The following OFD1 variants were observed in gnomAD, a reference collection of about 807,000 sequenced individuals.
The protein encoded by OFD1 is centriole and centriolar satellite protein OFD1.
In OFD1, 12 loss-of-function variants were observed where a neutral mutation model predicts 81.4. The ratio of observed to expected loss-of-function variants is 0.15; its 90% confidence interval spans 0.09 to 0.24. The LOEUF (loss-of-function observed/expected upper bound fraction) is 0.24. Among genes scored for constraint, OFD1 ranks in the 10% least tolerant of loss-of-function variants. OFD1 has a pLI of 1.00. For missense variants in OFD1, 685 were observed against 733.9 expected (o/e 0.93, Z 0.77); for synonymous variants, 256 against 263.7 (o/e 0.97, Z 0.28).
At position 13,758,351 on chromosome X, in the gene OFD1, A is replaced by T; in HGVS notation, c.1557A>T (p.Ala519=). ...KQLQDEIEHS[A]QLKAQILGYK... ...AATCTTTTCAGATTGAGCATTCTGC[A>T]CAGCTGAAGGCCCAGATTCTAGGTT... The change falls in exon 15 of 23, where the codon GCA becomes GCT. Residue 519 remains alanine (A), a synonymous_variant. Coordinates refer to ENST00000340096, the MANE Select transcript of OFD1 (RefSeq NM_003611.3). The T allele has an allele frequency of 8.4e-7, 1 of 1,195,728 alleles. No individual in the cohort carries two copies. The highest frequency in any genetic ancestry group is 3.0e-5 in the East Asian group (1 of 33,773).
chrX:13,756,542 A>G (rs1329066037), intron 12 of OFD1, 36 bp from the exon 13 acceptor site: 1 of 1,131,632 alleles, frequency 8.8e-7, no homozygotes, highest in East Asian at 3.0e-5. Flanking sequence ...CTGTAAAGTC[A>G]TTATTCAAAT....
At chrX:13,735,408 A>T in intron 2 of OFD1, 62 bp downstream of exon 2, 1 of 855,682 alleles carries the variant, frequency 1.2e-6, no homozygotes, top group African/African-American at 2.0e-5. Flanking sequence ...AGGTAGTTCA[A>T]ATTCAATCAA....
At chrX:13,736,439 T>A in intron 2 of OFD1, 39 bp from the exon 3 acceptor site, 1 of 1,180,531 alleles carries the variant, frequency 8.5e-7, no homozygotes, top group Non-Finnish European at 1.2e-6. Flanking sequence ...TTTCTTTCCC[T>A]TGTGTTTCTT....
At chrX:13,751,947 AC>A (rs1471829046) in intron 10 of OFD1, among the ~76,000 whole-genome samples, 2 of 112,383 alleles carry the variant, frequency 1.8e-5, no homozygotes, top group Non-Finnish European at 3.8e-5. Context: ...ACACCTTGTG[AC>A]TTGCTTAGCT....
chrX:13,769,556 TAAG>T (rs759362091), downstream of OFD1, among the ~76,000 whole-genome samples: 960 of 111,822 alleles, frequency 8.6e-3, 9 homozygotes, highest in African/African-American at 0.03. Flanking sequence ...TTAGAAATAG[TAAG>T]AAAGATACTG....
At chrX:13,716,320 A>T in the OFD1 span, 1 of 560,864 alleles carries the variant, frequency 1.8e-6, no homozygotes, top group Non-Finnish European at 2.8e-6. Flanking sequence ...GTCCAGATAA[A>T]CTCTTTTTGT....
At position 13,740,860 on chromosome X, in the gene OFD1, C is replaced by T. The variant is rs1026462749; in HGVS notation, c.412+1828C>T. 3.6e-4 allele frequency among the ~76,000 whole-genome samples: 40 copies of T among 110,471 alleles called. 1 individual carries two copies. The highest frequency in any genetic ancestry group is 4.7e-3 in the Middle Eastern group (1 of 211). On this transcript the variant is annotated intron_variant, in intron 5 of 22. Coordinates refer to ENST00000340096, the MANE Select transcript of OFD1 (RefSeq NM_003611.3). ...TCCTTAAAAGTAGTTTTTCCATGGC[C>T]GGGCGCAGTGGCTCACGCCTGTAAT...
chrX:13,763,021 C>T (rs1017098964), intron 18 of OFD1, among the ~76,000 whole-genome samples: 2 of 112,549 alleles, frequency 1.8e-5, no homozygotes, highest in East Asian at 2.8e-4. Flanking sequence ...CCGCCTGCAT[C>T]GGCCTCCCAA....
intron 13 of OFD1, among the ~76,000 whole-genome samples, chrX:13,757,061 C>T (rs1345899805): frequency 9.0e-6 from 1 of 111,568 alleles, no homozygotes; most frequent in African/African-American, 3.3e-5. Context: ...CTGCGATTAC[C>T]TCTTCCAAGT....
intron 2 of OFD1, chrX:13,736,191 A>G (rs146137890): frequency 3.3e-6 from 3 of 914,201 alleles, no homozygotes; most frequent in Non-Finnish European, 4.1e-6. Flanking sequence ...CTTCTAGGGA[A>G]GTGAAGTTAT....
At chrX:13,728,519 A>G in the OFD1 span, among the ~76,000 whole-genome samples, 1 of 112,271 alleles carries the variant, frequency 8.9e-6, no homozygotes, top group Non-Finnish European at 1.9e-5. Context: ...ATCTCAATAG[A>G]TGCAGAAAAG....
chrX:13,744,945 C>T (rs2047236329), intron 6 of OFD1, among the ~76,000 whole-genome samples: 2 of 112,069 alleles, frequency 1.8e-5, no homozygotes, highest in African/African-American at 6.5e-5. Context: ...GGAAGAGCAA[C>T]TTGGAAACAC....
At chrX:13,751,822 G>A (rs1271403522) in intron 10 of OFD1, among the ~76,000 whole-genome samples, 2 of 111,789 alleles carry the variant, frequency 1.8e-5, no homozygotes, top group Non-Finnish European at 3.8e-5. Context: ...GCGTGACAGT[G>A]ACAATCCATC....
At chrX:13,772,988 T>G, downstream of OFD1, 1 of 1,210,457 alleles carries the variant, frequency 8.3e-7, no homozygotes, top group Non-Finnish European at 1.1e-6. Context: ...CTCGCATCCT[T>G]TAAGTAAGCC....
chrX:13,764,827 CACTTTGCTCAGCGCTGA>C (rs1468397271), intron 19 of OFD1, among the ~76,000 whole-genome samples: 1 of 111,475 alleles, frequency 9.0e-6, no homozygotes, highest in African/African-American at 3.3e-5. Flanking sequence ...CTCTGCTGGG[CACTTTGCTCAGCGCTGA>C]GCATATAGCT....
At chrX:13,739,743 C>T (rs751645461) in intron 5 of OFD1, 129 of 621,039 alleles carry the variant, frequency 2.1e-4, no homozygotes, top group Non-Finnish European at 2.4e-4. Flanking sequence ...AGCAAAACTC[C>T]GTCTCAAAAA....
chrX:13,730,877 T>C (rs758581933), upstream of OFD1, among the ~76,000 whole-genome samples: 3 of 86,277 alleles, frequency 3.5e-5, no homozygotes, highest in African/African-American at 4.8e-5. Context: ...TGAGATCACT[T>C]GGACACAGGG....
intron 11 of OFD1, among the ~76,000 whole-genome samples, chrX:13,754,075 A>G (rs2047606817): frequency 9.3e-6 from 1 of 108,097 alleles, no homozygotes; most frequent in South Asian, 4.0e-4. Flanking sequence ...TCCACCTCCC[A>G]GGTTCACGCC....
chrX:13,756,497 C>T, intron 12 of OFD1, 81 bp from the exon 13 acceptor site: 4 of 762,540 alleles, frequency 5.2e-6, no homozygotes, highest in Non-Finnish European at 7.8e-6. Context: ...TGACACCATG[C>T]TTAAAGGAGC....
Sources: gnomAD v4.1 joint callset for allele counts (sites outside exome capture counted in the v4.1 genomes callset) on GRCh38, gnomAD v4.1.1 for gene constraint, MANE v1.5 for transcripts, NCBI Gene and HGNC (gene_info 2026-07-23, HGNC 2026-07-21) for gene names.